ANO6: variants seen among roughly 807,000 people sequenced by gnomAD.
ANO6 encodes anoctamin-6.
In ANO6, 106 loss-of-function variants were observed where a neutral mutation model predicts 117.5. The ratio of observed to expected loss-of-function variants is 0.90; its 90% CI spans 0.77 to 1.06. The LOEUF is 1.06. Ranked by LOEUF, ANO6 falls within the 50% of genes least tolerant of loss-of-function variation. ANO6 has a pLI of 0.00. For missense variants in ANO6, 955 were observed against 1,121.1 expected, an observed-to-expected ratio of 0.85 and a Z score of 2.12; for synonymous variants, 367 against 385.1, an observed-to-expected ratio of 0.95 and a Z score of 0.55.
intron 10 of ANO6, among the ~76,000 whole-genome samples, chr12:45,379,849 G>T (rs918436094): frequency 6.6e-6 from 1 of 152,188 alleles, no homozygotes; most frequent in Non-Finnish European, 1.5e-5. Context: ...AAGTATTTCA[G>T]CACTGCCTAT....
chr12:45,407,393 A>G (rs1418772927), intron 15 of ANO6, among the ~76,000 whole-genome samples: 1 of 149,922 alleles, frequency 6.7e-6, no homozygotes, highest in Non-Finnish European at 1.5e-5. Context: ...AAAGCAAAGT[A>G]TAAACAAATA....
chr12:45,220,981 T>C (rs1253059840), intron 1 of ANO6, among the ~76,000 whole-genome samples: 1 of 151,964 alleles, frequency 6.6e-6, no homozygotes, highest in African/African-American at 2.4e-5. Context: ...AAAGAGGGTG[T>C]TGCAAGAACC....
chr12:45,368,250 G>A (rs1467743030), intron 9 of ANO6, among the ~76,000 whole-genome samples: 2 of 152,180 alleles, frequency 1.3e-5, no homozygotes, highest in African/African-American at 4.8e-5. Flanking sequence ...GCTGCCTTGA[G>A]CATTTCCTTT....
chr12:45,219,855 A>G (rs1947370114), intron 1 of ANO6, among the ~76,000 whole-genome samples: 1 of 152,208 alleles, frequency 6.6e-6, no homozygotes, highest in African/African-American at 2.4e-5. Flanking sequence ...GCCAACAACC[A>G]ACCACTGAAG....
intron 14 of ANO6, 22 bp from the exon 15 acceptor site, chr12:45,403,417 T>C (rs1454700061): frequency 7.6e-6 from 12 of 1,584,708 alleles, no homozygotes; most frequent in Middle Eastern, 1.7e-4. Context: ...ATTTAAATGG[T>C]ATTTTCTTTT....
At chr12:45,257,617 T>C (rs1937882066) in intron 1 of ANO6, among the ~76,000 whole-genome samples, 2 of 152,220 alleles carry the variant, frequency 1.3e-5, no homozygotes, top group Non-Finnish European at 1.5e-5. Context: ...CCATGTTTCC[T>C]GAGGCAGTTC....
At chr12:45,299,113 C>T (rs1322823742) in intron 1 of ANO6, among the ~76,000 whole-genome samples, 1 of 152,132 alleles carries the variant, frequency 6.6e-6, no homozygotes, top group Non-Finnish European at 1.5e-5. Context: ...AAGATTAGGT[C>T]TTTTCTTCCA....
At chr12:45,281,056 G>C (rs1291031372) in intron 1 of ANO6, among the ~76,000 whole-genome samples, 1 of 151,974 alleles carries the variant, frequency 6.6e-6, no homozygotes, top group African/African-American at 2.4e-5. Context: ...TTCCATCAAC[G>C]TGTGTATGTG....
chr12:45,227,312 A>G (rs1592839546), intron 1 of ANO6, among the ~76,000 whole-genome samples: 1 of 152,196 alleles, frequency 6.6e-6, no homozygotes, highest in African/African-American at 2.4e-5. Flanking sequence ...GAAGAAAGAA[A>G]AGTAAAAGGA....
intron 19 of ANO6, among the ~76,000 whole-genome samples, chr12:45,438,460 A>G (rs1481208858): frequency 6.6e-6 from 1 of 152,172 alleles, no homozygotes; most frequent in African/African-American, 2.4e-5. Flanking sequence ...ATGTGATGCC[A>G]TGAGTGGAAA....
At chr12:45,420,269 A>T (rs1943324094) in intron 17 of ANO6, among the ~76,000 whole-genome samples, 2 of 152,200 alleles carry the variant, frequency 1.3e-5, no homozygotes, top group East Asian at 3.8e-4. Context: ...TTATGAAAAG[A>T]GCTAAATCAA....
chr12:45,348,667 C>T (rs1316443401), intron 6 of ANO6, 36 bp downstream of exon 6: 2 of 1,467,152 alleles, frequency 1.4e-6, no homozygotes, highest in Non-Finnish European at 1.9e-6. Context: ...AAAAGGCCTT[C>T]TGTATACTCT....
At chr12:45,303,598 G>A (rs1451167164) in intron 2 of ANO6, among the ~76,000 whole-genome samples, 3 of 152,154 alleles carry the variant, frequency 2.0e-5, no homozygotes, top group African/African-American at 7.2e-5. Context: ...AGTGTATTGC[G>A]ATGTTGCAGA....
rs374689481 is a variant in ANO6 at position 45,346,562 on chromosome 12, G to A, written c.280-460G>A. Among the ~76,000 whole-genome samples, 10 of 152,222 alleles carry A rather than the reference G, an allele frequency of 6.6e-5. No homozygotes were observed. The East Asian group carries it at 1.2e-3, about 18-fold the overall frequency. On this transcript the variant is annotated intron_variant, in intron 3 of 19. Coordinates refer to ENST00000320560, the MANE Select transcript of ANO6 (RefSeq NM_001025356.3). ...TTTGGTCAAGATATGCAGGGATGAC[G>A]CATACACATCCAGTAATTGAACCAT...
At chr12:45,320,324 T>G (rs376656395) in intron 2 of ANO6, among the ~76,000 whole-genome samples, 1,985 of 152,108 alleles carry the variant, frequency 0.013, 27 homozygotes, top group East Asian at 0.035. Context: ...TTGTGTCTTT[T>G]TTCTCGTTGG....
chr12:45,274,034 A>G (rs933363179), intron 1 of ANO6, among the ~76,000 whole-genome samples: 1 of 152,078 alleles, frequency 6.6e-6, no homozygotes, highest in Non-Finnish European at 1.5e-5. Flanking sequence ...TCATGATGCT[A>G]CTTTATCTTG....
intron 11 of ANO6, among the ~76,000 whole-genome samples, chr12:45,388,818 G>A (rs943064642): frequency 6.6e-6 from 1 of 152,064 alleles, no homozygotes; most frequent in Non-Finnish European, 1.5e-5. Context: ...GGAGGAAGAA[G>A]GAAAGTATTT....
chr12:45,299,066 G>T (rs1371115715), intron 1 of ANO6, among the ~76,000 whole-genome samples: 1 of 151,804 alleles, frequency 6.6e-6, no homozygotes, highest in African/African-American at 2.4e-5. Flanking sequence ...AAATACCATA[G>T]ATATAATTTT....
intron 19 of ANO6, among the ~76,000 whole-genome samples, chr12:45,427,580 G>C (rs1297356782): frequency 2.0e-5 from 3 of 151,988 alleles, no homozygotes; most frequent in Admixed American, 6.6e-5. Flanking sequence ...TGAATAATTT[G>C]TTTTTAATTA....
Sources: gnomAD v4.1 joint callset for allele counts (sites outside exome capture counted in the v4.1 genomes callset) on GRCh38, gnomAD v4.1.1 for gene constraint, MANE v1.5 for transcripts, NCBI Gene and HGNC (gene_info 2026-07-23, HGNC 2026-07-21) for gene names.